EIF4G3: variants seen among roughly 807,000 people sequenced by gnomAD.
The protein encoded by EIF4G3 is eIF-4-gamma 3.
Under a neutral mutation model 186.4 loss-of-function variants are expected in EIF4G3, and 34 were observed. The observed-to-expected ratio is 0.18, with a 90% confidence interval of 0.14 to 0.24. The LOEUF (loss-of-function observed/expected upper bound fraction) is 0.24, where lower values mean the gene tolerates loss of function less well. Among genes scored for constraint, EIF4G3 ranks in the 10% least tolerant of loss-of-function variants. The pLI is 1.00. For missense variants in EIF4G3, 1,536 were observed against 1,948.5 expected (o/e 0.79, Z 3.99); for synonymous variants, 673 against 679.5 (o/e 0.99, Z 0.15).
intron 14 of EIF4G3, among the ~76,000 whole-genome samples, chr1:20,920,258 A>T (rs1376210833): frequency 6.6e-6 from 1 of 152,218 alleles, no homozygotes; most frequent in Non-Finnish European, 1.5e-5. Flanking sequence ...CTAAGTTTTT[A>T]AAATAGGCAA....
intron 14 of EIF4G3, among the ~76,000 whole-genome samples, chr1:20,938,648 G>A (rs142086146): frequency 6.6e-6 from 1 of 152,308 alleles, no homozygotes; most frequent in Non-Finnish European, 1.5e-5. Flanking sequence ...AATATTATGT[G>A]AATAAGTGCA....
At chr1:20,920,185 C>T (rs766146276) in intron 14 of EIF4G3, among the ~76,000 whole-genome samples, 2 of 152,130 alleles carry the variant, frequency 1.3e-5, no homozygotes, top group Non-Finnish European at 2.9e-5. Flanking sequence ...GGATTACAGG[C>T]GTGAGTCACT....
At chr1:21,114,724 T>C (rs917374239) in intron 2 of EIF4G3, among the ~76,000 whole-genome samples, 1 of 152,106 alleles carries the variant, frequency 6.6e-6, no homozygotes, top group Admixed American at 6.6e-5. Flanking sequence ...TAAAAAAAAT[T>C]TTTTTTGCTG....
chr1:21,067,068 G>T (rs1354812118), intron 3 of EIF4G3, among the ~76,000 whole-genome samples: 2 of 151,348 alleles, frequency 1.3e-5, no homozygotes, highest in Admixed American at 6.6e-5. Context: ...GTATCTTTAA[G>T]GTTAATCCTT....
chr1:20,997,579 T>C, intron 7 of EIF4G3, 22 bp downstream of exon 7: 1 of 1,549,596 alleles, frequency 6.5e-7, no homozygotes, highest in Non-Finnish European at 8.7e-7. Context: ...AGGGTGATAG[T>C]GAAGGGGCAA....
At chr1:21,112,004 T>C (rs1279205862) in intron 2 of EIF4G3, among the ~76,000 whole-genome samples, 1 of 152,226 alleles carries the variant, frequency 6.6e-6, no homozygotes, top group Non-Finnish European at 1.5e-5. Context: ...TTATTAAATA[T>C]ACTTGTTCTC....
chr1:20,913,800 A>ATTTTT (rs68098768), intron 14 of EIF4G3, among the ~76,000 whole-genome samples: 13 of 75,650 alleles, frequency 1.7e-4, no homozygotes, highest in Admixed American at 3.6e-4. Context: ...AATTATTAGA[A>ATTTTT]TTTTTTTTTT....
Position 21,176,897 on chromosome 1 carries a change from T to A in EIF4G3, c.-631A>T. On this transcript the variant is annotated 5_prime_UTR_variant, in exon 1 of 37. Transcript: ENST00000602326. ...GCCTCCAGCAGTCCGGCAGGACGGC[T>A]GCTCGGAAAACTTCGGACTTTTTCG... 1 of 689,844 alleles carries A rather than the reference T, an allele frequency of 1.4e-6. No individual in the cohort carries two copies. The highest frequency in any genetic ancestry group is 2.6e-6 in the Non-Finnish European group (1 of 377,994). 42.7% of individuals were successfully genotyped at this position (689,844 alleles called of 1,614,324 possible).
chr1:21,031,561 T>C (rs887110768), intron 4 of EIF4G3, among the ~76,000 whole-genome samples: 1 of 151,638 alleles, frequency 6.6e-6, no homozygotes, highest in Non-Finnish European at 1.5e-5. Flanking sequence ...CTAAGGAAAG[T>C]AGTGTTACAT....
At chr1:20,951,142 TA>T (rs978586551) in intron 12 of EIF4G3, among the ~76,000 whole-genome samples, 2 of 151,872 alleles carry the variant, frequency 1.3e-5, no homozygotes, top group Non-Finnish European at 2.9e-5. Flanking sequence ...CAGAGACACT[TA>T]AAAAGTGAGA....
chr1:20,881,131 T>C (rs1333221437), intron 19 of EIF4G3, among the ~76,000 whole-genome samples: 1 of 152,214 alleles, frequency 6.6e-6, no homozygotes, highest in African/African-American at 2.4e-5. Context: ...GACAGACACA[T>C]AGCTAGATGA....
At chr1:20,894,732 G>C (rs755688741) in intron 17 of EIF4G3, among the ~76,000 whole-genome samples, 2 of 152,252 alleles carry the variant, frequency 1.3e-5, no homozygotes, top group East Asian at 3.9e-4. Flanking sequence ...AATACTTCAA[G>C]CTTAATCATC....
At chr1:21,075,965 G>C (rs755480237) in intron 3 of EIF4G3, among the ~76,000 whole-genome samples, 1 of 152,000 alleles carries the variant, frequency 6.6e-6, no homozygotes, top group African/African-American at 2.4e-5. Context: ...ATAACCAAAC[G>C]TTGGATTTAA....
chr1:21,044,222 C>A (rs1418335181), intron 4 of EIF4G3, among the ~76,000 whole-genome samples: 13 of 152,080 alleles, frequency 8.5e-5, no homozygotes, highest in Non-Finnish European at 2.9e-5. Context: ...TCTTAAAAAT[C>A]TACTTTTTTT....
At chr1:21,055,267 C>T (rs185072145) in intron 3 of EIF4G3, among the ~76,000 whole-genome samples, 128 of 151,916 alleles carry the variant, frequency 8.4e-4, no homozygotes, top group Middle Eastern at 6.8e-3. Flanking sequence ...ACATTTTTAA[C>T]ACGGGAAAAA....
Position 21,120,613 on chromosome 1 carries a change from C to G in EIF4G3, c.-271-31400G>C, listed in dbSNP as rs531714981. Among the ~76,000 whole-genome samples, 27 of 143,656 alleles carry G rather than the reference C, an allele frequency of 1.9e-4. No individual in the cohort carries two copies. In the East Asian group the frequency reaches 4.7e-3, roughly 25 times the overall value. 94.2% of individuals were successfully genotyped at this position (143,656 alleles called of 152,430 possible). On this transcript the variant is annotated intron_variant, in intron 2 of 36. Coordinates refer to ENST00000602326, the MANE Select transcript of EIF4G3 (RefSeq NM_001391906.1). The stretch of plus-strand genomic sequence containing the variant: ...CCTGGACAACAGAGTGAGTGAGACT[C>G]CATCTCAAAAAAAAAAAAAAAAAAA...
intron 2 of EIF4G3, among the ~76,000 whole-genome samples, chr1:21,120,362 CAACT>C (rs1221375681): frequency 6.6e-6 from 1 of 151,378 alleles, no homozygotes; most frequent in African/African-American, 2.4e-5. Flanking sequence ...GTAAAAAAAC[CAACT>C]AATAAAAATC....
intron 2 of EIF4G3, among the ~76,000 whole-genome samples, chr1:21,093,544 G>A (rs1490493779): frequency 2.6e-5 from 4 of 152,226 alleles, no homozygotes; most frequent in Admixed American, 2.6e-4. Flanking sequence ...ACAGTGTGGT[G>A]ATTCCTCAAG....
Position 20,934,249 on chromosome 1 carries a change from G to C in EIF4G3, c.1663+7242C>G, listed in dbSNP as rs76571098. ...ACTAGCATATTAGGAGCATAAATCA[G>C]ACTATATGTTAGTTGAATAGTGAAA... is the stretch of plus-strand genomic sequence containing the variant. On this transcript the variant is annotated intron_variant, in intron 14 of 36. Coordinates refer to ENST00000602326, the MANE Select transcript of EIF4G3 (RefSeq NM_001391906.1). Among the ~76,000 whole-genome samples, 1,434 of 152,272 alleles carry C rather than the reference G, an allele frequency of 9.4e-3. 19 individuals carry two copies. Among genetic ancestry groups the C allele is most frequent in the African/African-American group, 0.032 (1,340 of 41,548 alleles).
Sources: allele counts gnomAD v4.1 joint callset (sites outside exome capture counted in the v4.1 genomes callset), GRCh38; gene constraint gnomAD v4.1.1; transcripts MANE v1.5; gene names NCBI Gene and HGNC (gene_info 2026-07-23, HGNC 2026-07-21).